Variants in MLPH observed in about 807,000 individuals in gnomAD.
MLPH encodes the protein exophilin-3.
In MLPH, 51 loss-of-function variants were observed where a neutral mutation model predicts 72.1. The ratio of observed to expected loss-of-function variants is 0.71; its 90% CI spans 0.56 to 0.89. The LOEUF (loss-of-function observed/expected upper bound fraction) is 0.89. MLPH is among the 40% of genes least tolerant of loss of function. The probability of loss-of-function intolerance (pLI) is 0.00; values close to 1 mark genes in which losing one functional copy is unlikely to be tolerated. For synonymous variants in MLPH, 301 were observed against 310.1 expected, an observed-to-expected ratio of 0.97 and a Z score of 0.31; for missense variants, 743 against 759.9, an observed-to-expected ratio of 0.98 and a Z score of 0.26.
chr2:237,500,904 C>G (rs1345922328), intron 2 of MLPH, among the ~76,000 whole-genome samples: 2 of 152,100 alleles, frequency 1.3e-5, no homozygotes, highest in Non-Finnish European at 2.9e-5. Context: ...ACCCCACACA[C>G]ACACTTACTC....
chr2:237,551,977 CA>C (rs1164035810), intron 14 of MLPH: 8,683 of 158,614 alleles, frequency 0.055, no homozygotes, highest in South Asian at 0.12. Context: ...GACTTTGTCT[CA>C]AAAAAAAAAA....
At chr2:237,498,606 G>A (rs116154567) in intron 2 of MLPH, among the ~76,000 whole-genome samples, 1 of 152,206 alleles carries the variant, frequency 6.6e-6, no homozygotes, top group African/African-American at 2.4e-5. Flanking sequence ...TGACGCACAC[G>A]CCTGACAAGG....
rs181283004 is a variant in MLPH at position 237,508,715 on chromosome 2, C to T, written c.111-1859C>T. 1.9e-4 allele frequency among the ~76,000 whole-genome samples: 29 copies of T among 152,282 alleles called. No homozygotes were observed. In the East Asian group the frequency reaches 5.6e-3, roughly 29 times the overall value. Reference sequence around the variant, plus strand: ...CGGTAGAAATTGTGCCCATTTCCCCCTCCATTGTGAGCTGTGATTTCTCGC... The same window carrying T: ...CGGTAGAAATTGTGCCCATTTCCCCTTCCATTGTGAGCTGTGATTTCTCGC... On this transcript the variant is annotated intron_variant, in intron 2 of 15. Coordinates refer to ENST00000264605, the MANE Select transcript of MLPH (RefSeq NM_024101.7).
chr2:237,510,906 T>G lies in MLPH; in HGVS notation c.333-83T>G. ...ACGCACACATGCACACACTCGTGTGTGTGTGTGTGTGTGTGTGTGAGATTT... is the reference window on the plus strand; with the variant it reads ...ACGCACACATGCACACACTCGTGTGGGTGTGTGTGTGTGTGTGTGAGATTT... On this transcript the variant is annotated intron_variant, in intron 3 of 15. Coordinates refer to ENST00000264605, the MANE Select transcript of MLPH (RefSeq NM_024101.7). The surrounding 1 kb of genome is among the most constrained non-coding windows in gnomAD (Gnocchi z 4.4). The G allele has an allele frequency of 2.1e-6, 3 of 1,448,368 alleles. No homozygotes were observed. Among genetic ancestry groups the G allele is most frequent in the Non-Finnish European group, 2.9e-6 (3 of 1,031,068 alleles). The allele number at this position is 1,448,368 out of a possible 1,614,324, so 89.7% of individuals were successfully genotyped here. A position where few individuals can be genotyped will look rare whatever the true frequency, so the allele number is the denominator to read the frequency against.
At position 237,552,408 on chromosome 2, in the gene MLPH, AG is replaced by A; in HGVS notation, c.1749del (p.Gly585GlufsTer83). On this transcript the variant is annotated frameshift_variant, in exon 15 of 16. Coordinates refer to ENST00000264605, the MANE Select transcript of MLPH (RefSeq NM_024101.7). LOFTEE classifies it high-confidence loss of function. ...GSLTQRNPNA[R>X]KGMASHTFAK... The stretch of plus-strand genomic sequence containing the variant: ...GCTGACACAGAGAAACCCCAACGCG[AG>A]GAAAGGAATGGCCAGCCACACCTTC... 2 of 1,614,126 alleles carry A rather than the reference AG, an allele frequency of 1.2e-6. No individual in the cohort carries two copies. The highest frequency in any genetic ancestry group is 1.7e-6 in the Non-Finnish European group (2 of 1,180,020).
At chr2:237,520,103 G>A (rs2080148528) in intron 6 of MLPH, 74 bp downstream of exon 6, 1 of 1,600,506 alleles carries the variant, frequency 6.2e-7, no homozygotes, top group South Asian at 1.1e-5. Context: ...CCCAGGTGAG[G>A]GACAGCACTC....
chr2:237,549,789 G>A (rs148331700), intron 14 of MLPH, among the ~76,000 whole-genome samples: 9 of 152,154 alleles, frequency 5.9e-5, no homozygotes, highest in Non-Finnish European at 7.4e-5. Flanking sequence ...TCAGAGTCCC[G>A]TCCCTCTGCT....
intron 12 of MLPH, chr2:237,545,306 A>G (rs952648543): frequency 3.7e-6 from 2 of 539,282 alleles, no homozygotes; most frequent in Non-Finnish European, 5.8e-6. Flanking sequence ...CCCACAGCAC[A>G]CACGCCACCG....
intron 6 of MLPH, among the ~76,000 whole-genome samples, chr2:237,524,442 C>T (rs537295868): frequency 6.6e-4 from 100 of 151,834 alleles, no homozygotes; most frequent in African/African-American, 2.4e-3. Context: ...GTCCGATGTT[C>T]GAGGGCAGGA....
intron 4 of MLPH, 163 bp from the exon 5 acceptor site, chr2:237,518,376 T>C (rs2080098643): frequency 2.8e-6 from 2 of 709,942 alleles, no homozygotes; most frequent in South Asian, 1.5e-5. Flanking sequence ...GATGGGTAGA[T>C]GGAGGGATAC....
chr2:237,535,423 C>G (rs2080511328), intron 9 of MLPH, among the ~76,000 whole-genome samples: 1 of 151,918 alleles, frequency 6.6e-6, no homozygotes, highest in Non-Finnish European at 1.5e-5. Flanking sequence ...CAAACCACAA[C>G]AGCACACCGA....
At chr2:237,500,042 A>G (rs190971359) in intron 2 of MLPH, among the ~76,000 whole-genome samples, 1 of 152,296 alleles carries the variant, frequency 6.6e-6, no homozygotes, top group Admixed American at 6.5e-5. Flanking sequence ...CACTACACTT[A>G]GCCAGATTTT....
chr2:237,553,504 G>C (rs2081077523), intron 15 of MLPH, 62 bp from the exon 16 acceptor site: 1 of 1,498,838 alleles, frequency 6.7e-7, no homozygotes, highest in Admixed American at 1.7e-5. Context: ...GCCCATGTGT[G>C]TCTGTGTTAC....
At chr2:237,552,050 G>A (rs1432191141) in intron 14 of MLPH, 2 of 421,502 alleles carry the variant, frequency 4.7e-6, no homozygotes, top group Non-Finnish European at 8.7e-6. Flanking sequence ...CCAGTGCAGT[G>A]TGATGGGCCT....
intron 2 of MLPH, among the ~76,000 whole-genome samples, chr2:237,501,426 CG>C (rs35233322): frequency 0.24 from 36,017 of 151,754 alleles, 7,303 homozygotes; most frequent in African/African-American, 0.55. Context: ...TTAGCATTCG[CG>C]GGTCTATCTG....
intron 2 of MLPH, among the ~76,000 whole-genome samples, chr2:237,507,752 A>G (rs1208316220): frequency 1.3e-5 from 2 of 152,206 alleles, no homozygotes; most frequent in Non-Finnish European, 2.9e-5. Flanking sequence ...CCGTTTTATT[A>G]CTGGCAATAA....
chr2:237,547,922 T>A (rs1442127312), intron 13 of MLPH, among the ~76,000 whole-genome samples: 1 of 152,078 alleles, frequency 6.6e-6, no homozygotes, highest in African/African-American at 2.4e-5. Flanking sequence ...GGAATGGGCT[T>A]TAGCTTCAGG....
chr2:237,529,128 C>T (rs902280609), intron 8 of MLPH, among the ~76,000 whole-genome samples: 6 of 152,056 alleles, frequency 3.9e-5, no homozygotes, highest in East Asian at 1.9e-4. Flanking sequence ...CTGCAAGCTC[C>T]GCCTCCTGGG....
At position 237,549,235 on chromosome 2, in the gene MLPH, C is replaced by T. The variant is rs563793351; in HGVS notation, c.1632C>T (p.Pro544=). ...PSSEAKAMAV[P]YLLRRKFSNS... ...GTTTCTTCTAGGCAATGGCTGTGCC[C>T]TATCTTCTGAGAAGAAAGTTCAGTA... Residue 544 remains proline, a synonymous_variant, in exon 14 of 16, where the codon CCC becomes CCT. Coordinates refer to ENST00000264605, the MANE Select transcript of MLPH (RefSeq NM_024101.7). 1 of 1,614,134 alleles carries T rather than the reference C, an allele frequency of 6.2e-7. No individual in the cohort carries two copies. Among genetic ancestry groups the T allele is most frequent in the Admixed American group, 1.7e-5 (1 of 60,022 alleles).
Sources: gnomAD v4.1 joint callset for allele counts (sites outside exome capture counted in the v4.1 genomes callset) on GRCh38, gnomAD v4.1.1 for gene constraint, Gnocchi (gnomAD v3.1) non-coding constraint, MANE v1.5 for transcripts, NCBI Gene and HGNC (gene_info 2026-07-23, HGNC 2026-07-21) for gene names.